The following SRFBP1 variants were observed in gnomAD, a reference collection of about 807,000 sequenced individuals.
SRFBP1 encodes serum response factor-binding protein 1.
In SRFBP1, 47 loss-of-function variants were observed where a neutral mutation model predicts 45.5. The observed-to-expected ratio is 1.03, with a 90% CI of 0.82 to 1.32. The LOEUF is 1.32. Ranked by LOEUF, SRFBP1 falls within the 40% of genes most tolerant of loss-of-function variation. The probability of loss-of-function intolerance (pLI) is 0.00; values close to 1 mark genes in which losing one functional copy is unlikely to be tolerated. For missense variants in SRFBP1, 621 were observed against 484.6 expected, an observed-to-expected ratio of 1.28 and a Z score of -2.64; for synonymous variants, 203 against 166.3, an observed-to-expected ratio of 1.22 and a Z score of -1.70.
At chr5:121,986,359 A>G (rs1360417497) in intron 3 of SRFBP1, among the ~76,000 whole-genome samples, 1 of 152,024 alleles carries the variant, frequency 6.6e-6, no homozygotes, top group East Asian at 1.9e-4. Flanking sequence ...AATTGGGACA[A>G]AAGCCAATGA....
intron 4 of SRFBP1, 65 bp downstream of exon 4, chr5:121,994,735 C>T: frequency 9.1e-7 from 1 of 1,098,358 alleles, no homozygotes. Flanking sequence ...TTACTTTTTT[C>T]TTGAAGAGAA....
chr5:122,022,395 A>G lies in SRFBP1; in HGVS notation c.1093A>G (p.Thr365Ala), dbSNP rs1753376243. ...AAATTTCAAAGAACAGGCTCCAAAA[A>G]CAAGATCCCTAGGTATGTATTCATA... ...RRNFKEQAPKTRSLDFPQNEP... is the reference protein window; with the variant it reads ...RRNFKEQAPKARSLDFPQNEP... The change falls in exon 7 of 8, where the codon ACA (threonine) becomes GCA (alanine). Residue 365 changes from threonine to alanine, a missense_variant. Transcript: ENST00000339397. The G allele has an allele frequency of 6.2e-7, 1 of 1,611,986 alleles. No homozygotes were observed.
At chr5:122,024,993 A>C (rs995966028) in intron 7 of SRFBP1, among the ~76,000 whole-genome samples, 2 of 151,984 alleles carry the variant, frequency 1.3e-5, no homozygotes, top group Non-Finnish European at 2.9e-5. Flanking sequence ...TAAGTTTTAG[A>C]GTACATGTGC....
At chr5:121,979,486 C>G (rs763096292) in intron 3 of SRFBP1, among the ~76,000 whole-genome samples, 7 of 152,144 alleles carry the variant, frequency 4.6e-5, no homozygotes, top group Non-Finnish European at 8.8e-5. Flanking sequence ...GCTATGTCAA[C>G]TTAACATTTT....
intron 2 of SRFBP1, among the ~76,000 whole-genome samples, chr5:122,054,004 C>G (rs1053797722): frequency 1.4e-4 from 22 of 152,210 alleles, no homozygotes; most frequent in African/African-American, 5.3e-4. Flanking sequence ...CAGGCTGAAT[C>G]AGAACTGCTG....
At chr5:122,060,023 C>T (rs988988756) in intron 2 of SRFBP1, among the ~76,000 whole-genome samples, 3 of 152,060 alleles carry the variant, frequency 2.0e-5, no homozygotes, top group African/African-American at 7.2e-5. Flanking sequence ...GAACTTGGAT[C>T]TTCTCTCACT....
intron 3 of SRFBP1, among the ~76,000 whole-genome samples, chr5:121,990,414 C>T (rs557697566): frequency 2.6e-5 from 4 of 152,168 alleles, no homozygotes; most frequent in South Asian, 4.2e-4. Flanking sequence ...CAGGAGACAC[C>T]GTGGACTACT....
At chr5:122,067,268 T>C (rs1754325528) in intron 2 of SRFBP1, among the ~76,000 whole-genome samples, 1 of 151,454 alleles carries the variant, frequency 6.6e-6, no homozygotes, top group Non-Finnish European at 1.5e-5. Flanking sequence ...ATTCAAATCA[T>C]AAACTACCAA....
Position 121,980,728 on chromosome 5 carries a change from T to C in SRFBP1, c.198+5341T>C, listed in dbSNP as rs1250001233. ...TTTTTCGAATAAGTGGTTGTTTGAA[T>C]GAATTTTCTTGGCTAGGTTTTAACT... is the stretch of plus-strand genomic sequence containing the variant. On this transcript the variant is annotated intron_variant, in intron 3 of 7. Transcript: ENST00000339397. Among the ~76,000 whole-genome samples, 5 of 152,132 alleles carry C rather than the reference T, an allele frequency of 3.3e-5. 1 individual carries two copies. Among genetic ancestry groups the C allele is most frequent in the Admixed American group, 3.3e-4 (5 of 15,258 alleles).
chr5:122,065,032 G>A (rs1168547589), intron 2 of SRFBP1: 1 of 151,966 alleles, frequency 6.6e-6, no homozygotes, highest in African/African-American at 2.4e-5. Flanking sequence ...TACAATCTTA[G>A]AACTAAAAAG....
At chr5:122,008,653 T>C (rs1456410828) in intron 4 of SRFBP1, among the ~76,000 whole-genome samples, 1 of 152,156 alleles carries the variant, frequency 6.6e-6, no homozygotes, top group Non-Finnish European at 1.5e-5. Flanking sequence ...CGTTAGCTCT[T>C]GTAAAGGTAT....
chr5:121,979,792 G>C (rs548704347), intron 3 of SRFBP1, among the ~76,000 whole-genome samples: 1 of 152,070 alleles, frequency 6.6e-6, no homozygotes, highest in Non-Finnish European at 1.5e-5. Flanking sequence ...AGGAAGTCTG[G>C]TTATTACCTC....
At chr5:122,045,971 G>T (rs1029964159) in intron 2 of SRFBP1, among the ~76,000 whole-genome samples, 2 of 152,068 alleles carry the variant, frequency 1.3e-5, no homozygotes, top group African/African-American at 4.8e-5. Flanking sequence ...TGCTTATTCA[G>T]TATGATGTTG....
At chr5:121,966,393 C>T (rs1260201214) in intron 1 of SRFBP1, among the ~76,000 whole-genome samples, 2 of 152,248 alleles carry the variant, frequency 1.3e-5, no homozygotes, top group Admixed American at 1.3e-4. Flanking sequence ...GCTTTTATAG[C>T]AGCTTCCCTA....
At chr5:122,004,136 C>T (rs1266226834) in intron 4 of SRFBP1, among the ~76,000 whole-genome samples, 1 of 152,066 alleles carries the variant, frequency 6.6e-6, no homozygotes, top group South Asian at 2.1e-4. Flanking sequence ...CAGTCATGCG[C>T]CACCATGCCC....
At chr5:121,971,251 G>A (rs779500647) in intron 1 of SRFBP1, among the ~76,000 whole-genome samples, 1 of 151,926 alleles carries the variant, frequency 6.6e-6, no homozygotes, top group African/African-American at 2.4e-5. Flanking sequence ...TGGAGAAACC[G>A]GTTAACAGTA....
At chr5:122,065,181 T>C (rs1168956892) in intron 2 of SRFBP1, 1 of 152,064 alleles carries the variant, frequency 6.6e-6, no homozygotes, top group Non-Finnish European at 1.5e-5. Flanking sequence ...ATCCGCCAGT[T>C]GATGACTGTC....
intron 2 of SRFBP1, among the ~76,000 whole-genome samples, chr5:122,049,259 A>G (rs1187787107): frequency 6.6e-6 from 1 of 152,186 alleles, no homozygotes; most frequent in Non-Finnish European, 1.5e-5. Flanking sequence ...TAAACCAACA[A>G]AGATCAAAAG....
At chr5:121,966,274 A>G (rs1370304790) in intron 1 of SRFBP1, among the ~76,000 whole-genome samples, 1 of 152,214 alleles carries the variant, frequency 6.6e-6, no homozygotes. Flanking sequence ...TTGCGAAGTA[A>G]AGTAAAAATT....
Sources: allele counts gnomAD v4.1 joint callset (sites outside exome capture counted in the v4.1 genomes callset), GRCh38; gene constraint gnomAD v4.1.1; transcripts MANE v1.5; gene names NCBI Gene and HGNC (gene_info 2026-07-23, HGNC 2026-07-21).